Variants in DCAF10 observed in about 807,000 individuals in gnomAD.
DCAF10 encodes the protein DDB1- and CUL4-associated factor 10.
DCAF10 carries 19 observed loss-of-function variants against 51.9 expected under a neutral mutation model. The observed-to-expected ratio is 0.37, with a 90% CI of 0.26 to 0.54. The LOEUF (loss-of-function observed/expected upper bound fraction) is 0.54, where lower values mean the gene tolerates loss of function less well. DCAF10 is among the 20% of genes least tolerant of loss of function. The probability of loss-of-function intolerance (pLI) is 0.87; values close to 1 mark genes in which losing one functional copy is unlikely to be tolerated. For missense variants in DCAF10, 510 were observed against 730.6 expected, an observed-to-expected ratio of 0.70 and a Z score of 3.48; for synonymous variants, 291 against 297.1, an observed-to-expected ratio of 0.98 and a Z score of 0.21.
At chr9:37,836,149 C>T in intron 2 of DCAF10, 1 of 1,375,952 alleles carries the variant, frequency 7.3e-7, no homozygotes, top group East Asian at 2.3e-5. Flanking sequence ...GAGCGATTTA[C>T]TCTTCTCATA....
At chr9:37,855,004 A>G (rs1299642945) in intron 4 of DCAF10, 22 bp downstream of exon 4, 11 of 1,576,954 alleles carry the variant, frequency 7.0e-6, no homozygotes, top group African/African-American at 1.4e-5. Context: ...TTTTTTGGTC[A>G]AAAAGATTTT....
chr9:37,853,587 C>A lies in DCAF10; in HGVS notation c.852-1193C>A, dbSNP rs1018257122. ...TTTTTAACAGCTGGAAGTTTTACAA[C>A]TTTTTCTTCTGGTACTCATTTTCAT... On this transcript the variant is annotated intron_variant, in intron 3 of 6. Coordinates refer to ENST00000377724, the MANE Select transcript of DCAF10 (RefSeq NM_024345.5). Among the ~76,000 whole-genome samples, 4 of 151,976 alleles carry A rather than the reference C, an allele frequency of 2.6e-5. No homozygotes were observed. In the East Asian group the frequency reaches 7.7e-4, roughly 29 times the overall value.
At chr9:37,859,926 G>A in intron 5 of DCAF10, 122 bp from the exon 6 acceptor site, 1 of 1,174,064 alleles carries the variant, frequency 8.5e-7, no homozygotes, top group Non-Finnish European at 1.2e-6. Context: ...ACATATGGTA[G>A]CATAAGGGGC....
chr9:37,852,323 A>G (rs1830679029), intron 3 of DCAF10, among the ~76,000 whole-genome samples: 1 of 152,234 alleles, frequency 6.6e-6, no homozygotes, highest in Non-Finnish European at 1.5e-5. Flanking sequence ...TGAGCTGGGC[A>G]TAGTGGCTCA....
chr9:37,803,739 T>A (rs974991890), intron 1 of DCAF10, among the ~76,000 whole-genome samples: 1 of 150,320 alleles, frequency 6.7e-6, no homozygotes, highest in African/African-American at 2.5e-5. Flanking sequence ...AATGAGGTAA[T>A]TTCTCATATC....
intron 3 of DCAF10, among the ~76,000 whole-genome samples, chr9:37,843,450 T>G (rs1830391240): frequency 6.6e-6 from 1 of 152,334 alleles, no homozygotes; most frequent in East Asian, 1.9e-4. Flanking sequence ...CAAGCATACC[T>G]ACTAAATGAA....
Position 37,801,222 on chromosome 9 carries a change from C to G in DCAF10, c.356C>G (p.Pro119Arg), listed in dbSNP as rs1210116825. The change falls in exon 1 of 7, where the codon CCT becomes CGT. Residue 119 changes from proline (P) to arginine (R), a missense_variant. By Grantham distance (103) the Pro-to-Arg change is moderately radical. Around this residue, in one of 4 missense-constraint regions of DCAF10, gnomAD observed 251 missense variants for 227.9 expected, o/e 1.10. Coordinates refer to ENST00000377724, the MANE Select transcript of DCAF10 (RefSeq NM_024345.5). This position sits in a 1 kb window ranked among gnomAD's most constrained non-coding sequence, Gnocchi z 5.5. The part of the protein sequence containing the change: ...RHGLGAGLGG[P>R]GARLFGWLKE... The stretch of plus-strand genomic sequence containing the variant: ...GGCCTCGGCGCGGGCCTGGGCGGCC[C>G]TGGCGCTAGGCTGTTCGGGTGGCTG... The G allele has an allele frequency of 2.5e-6, 4 of 1,568,708 alleles. No homozygotes were observed. Among genetic ancestry groups the G allele is most frequent in the African/African-American group, 1.4e-5 (1 of 71,696 alleles).
chr9:37,836,307 G>A, intron 2 of DCAF10: 10 of 1,605,362 alleles, frequency 6.2e-6, no homozygotes, highest in Admixed American at 1.7e-5. Context: ...TGCCATGGAA[G>A]TAACAAAGAC....
intron 3 of DCAF10, among the ~76,000 whole-genome samples, chr9:37,853,256 G>A (rs1439936125): frequency 6.6e-6 from 1 of 150,442 alleles, no homozygotes. Flanking sequence ...GTTCATGCCT[G>A]TAATCCCAGG....
intron 1 of DCAF10, among the ~76,000 whole-genome samples, chr9:37,818,943 A>G (rs1183821691): frequency 1.3e-5 from 2 of 152,156 alleles, no homozygotes; most frequent in Non-Finnish European, 2.9e-5. Flanking sequence ...ACAATGAAGC[A>G]TATCTTTATA....
At chr9:37,828,791 A>G (rs1829927393) in intron 2 of DCAF10, among the ~76,000 whole-genome samples, 2 of 152,208 alleles carry the variant, frequency 1.3e-5, no homozygotes, top group African/African-American at 4.8e-5. Context: ...GTTTGGCTAT[A>G]TATATGAAAA....
At chr9:37,860,327 A>T in intron 6 of DCAF10, 134 bp downstream of exon 6, 2 of 1,145,312 alleles carry the variant, frequency 1.7e-6, no homozygotes, top group Non-Finnish European at 2.4e-6. Flanking sequence ...CTGCTTCTCG[A>T]CTCTCCTGTT....
Position 37,801,151 on chromosome 9 carries a change from C to T in DCAF10, c.285C>T (p.Cys95=). ...PGEPSPPSPP[C]RRPGPDCRAK... ...AGCCGTCACCTCCCTCCCCTCCGTGCCGGCGGCCCGGGCCAGACTGCAGGG... is the reference window on the plus strand; with the variant it reads ...AGCCGTCACCTCCCTCCCCTCCGTGTCGGCGGCCCGGGCCAGACTGCAGGG... The change falls in exon 1 of 7, where the codon TGC becomes TGT. Residue 95 remains cysteine, a synonymous_variant. Transcript: ENST00000377724. The surrounding 1 kb of genome is among the most constrained non-coding windows in gnomAD (Gnocchi z 5.5). The T allele has an allele frequency of 6.5e-7, 1 of 1,536,816 alleles. No homozygotes were observed. Among genetic ancestry groups the T allele is most frequent in the Non-Finnish European group, 8.7e-7 (1 of 1,143,638 alleles).
upstream of DCAF10, chr9:37,800,786 C>T: frequency 6.6e-7 from 1 of 1,517,558 alleles, no homozygotes; most frequent in Non-Finnish European, 8.8e-7. Flanking sequence ...CCGCTGCACG[C>T]CGGAAGTGGC....
At position 37,801,019 on chromosome 9, in the gene DCAF10, C is replaced by A. The variant is rs1317708363; in HGVS notation, c.153C>A (p.Ala51=). 1.3e-6 allele frequency: 2 copies of A among 1,541,114 alleles called. No individual in the cohort carries two copies. Among genetic ancestry groups the A allele is most frequent in the African/African-American group, 2.8e-5 (2 of 70,632 alleles). ...GADATHPPPP[A]RSPRRPGAPS... is the part of the protein sequence containing the mutation. ...ATGCGACCCATCCCCCTCCACCCGCCCGAAGCCCTCGCCGCCCCGGCGCCC... is the reference window on the plus strand; with the variant it reads ...ATGCGACCCATCCCCCTCCACCCGCACGAAGCCCTCGCCGCCCCGGCGCCC... The change falls in exon 1 of 7, where the codon GCC becomes GCA. Residue 51 remains alanine, a synonymous_variant. Transcript: ENST00000377724. This position sits in a 1 kb window ranked among gnomAD's most constrained non-coding sequence, Gnocchi z 5.5.
intron 2 of DCAF10, among the ~76,000 whole-genome samples, chr9:37,823,822 AT>A (rs1233352801): frequency 6.8e-6 from 1 of 147,434 alleles, no homozygotes; most frequent in African/African-American, 2.5e-5. Flanking sequence ...TTTTACTTTC[AT>A]TTTTTTCATG....
At chr9:37,838,106 T>C (rs1014857993) in intron 2 of DCAF10, among the ~76,000 whole-genome samples, 1 of 152,152 alleles carries the variant, frequency 6.6e-6, no homozygotes, top group African/African-American at 2.4e-5. Context: ...ATATATGCAA[T>C]GCACAGTGTT....
chr9:37,852,133 G>A (rs1469080223), intron 3 of DCAF10, among the ~76,000 whole-genome samples: 1 of 152,086 alleles, frequency 6.6e-6, no homozygotes, highest in African/African-American at 2.4e-5. Flanking sequence ...AAGACAGAGA[G>A]AAGATTCACC....
intron 2 of DCAF10, among the ~76,000 whole-genome samples, chr9:37,838,812 A>G (rs936186117): frequency 2.6e-5 from 4 of 151,748 alleles, no homozygotes; most frequent in Non-Finnish European, 5.9e-5. Flanking sequence ...AATCACTTGA[A>G]TGTAGGAGGT....
Sources: gnomAD v4.1 joint callset for allele counts (sites outside exome capture counted in the v4.1 genomes callset) on GRCh38, gnomAD v4.1.1 for gene constraint, gnomAD v4.1.1 regional missense constraint, Gnocchi (gnomAD v3.1) non-coding constraint, MANE v1.5 for transcripts, NCBI Gene and HGNC (gene_info 2026-07-23, HGNC 2026-07-21) for gene names.